Variants in LYSMD3 observed in about 807,000 individuals in gnomAD.
LYSMD3 encodes lysM and putative peptidoglycan-binding domain-containing protein 3.
LYSMD3 carries 13 observed loss-of-function variants against 26.1 expected under a neutral mutation model. The observed-to-expected ratio is 0.50, with a 90% CI of 0.32 to 0.79. The LOEUF (loss-of-function observed/expected upper bound fraction) is 0.79, where lower values mean the gene tolerates loss of function less well. LYSMD3 is among the 30% of genes least tolerant of loss of function. LYSMD3 has a pLI of 0.03. For synonymous variants in LYSMD3, 109 were observed against 119.4 expected (o/e 0.91, Z 0.57); for missense variants, 331 against 362.5 (o/e 0.91, Z 0.71).
intron 2 of LYSMD3, among the ~76,000 whole-genome samples, chr5:90,520,208 C>A (rs1753054397): frequency 6.6e-6 from 1 of 152,094 alleles, no homozygotes; most frequent in Non-Finnish European, 1.5e-5. Flanking sequence ...TGTATTATCC[C>A]ATCCACTGTG....
intron 2 of LYSMD3, among the ~76,000 whole-genome samples, 200 bp downstream of exon 2, chr5:90,524,834 CA>C (rs1226878433): frequency 2.0e-5 from 3 of 152,152 alleles, no homozygotes; most frequent in African/African-American, 4.8e-5. Context: ...CCTCGTGATC[CA>C]CCCGCCTCGG....
At chr5:90,524,260 C>T (rs1404557335) in intron 2 of LYSMD3, among the ~76,000 whole-genome samples, 1 of 152,086 alleles carries the variant, frequency 6.6e-6, no homozygotes, top group African/African-American at 2.4e-5. Context: ...ATGAAAAATG[C>T]AAGTTGCAGA....
chr5:90,527,855 C>G (rs1193123655), intron 1 of LYSMD3, among the ~76,000 whole-genome samples: 1 of 152,178 alleles, frequency 6.6e-6, no homozygotes, highest in African/African-American at 2.4e-5. Context: ...CCTTGAAAAG[C>G]ACTTTCTGAC....
At chr5:90,519,862 G>C (rs972074600) in intron 2 of LYSMD3, among the ~76,000 whole-genome samples, 1 of 151,342 alleles carries the variant, frequency 6.6e-6, no homozygotes, top group Non-Finnish European at 1.5e-5. Flanking sequence ...TTCCAGTTTG[G>C]AAACTGGAAT....
intron 2 of LYSMD3, among the ~76,000 whole-genome samples, chr5:90,520,198 T>G (rs1421021742): frequency 6.6e-6 from 1 of 152,336 alleles, no homozygotes; most frequent in East Asian, 1.9e-4. Context: ...TCAACCTGTT[T>G]GTATTATCCC....
chr5:90,523,480 C>T (rs1002525837), intron 2 of LYSMD3, among the ~76,000 whole-genome samples: 1 of 151,282 alleles, frequency 6.6e-6, no homozygotes, highest in African/African-American at 2.4e-5. Context: ...TACAGGTAAT[C>T]AATAAAAGGT....
intron 2 of LYSMD3, chr5:90,520,287 T>C (rs1428499861): frequency 2.4e-6 from 1 of 413,006 alleles, no homozygotes; most frequent in Non-Finnish European, 4.9e-6. Flanking sequence ...AGATTACCAA[T>C]TGGTATGCCA....
At chr5:90,519,833 T>C (rs1172445853) in intron 2 of LYSMD3, among the ~76,000 whole-genome samples, 1 of 152,018 alleles carries the variant, frequency 6.6e-6, no homozygotes, top group Non-Finnish European at 1.5e-5. Context: ...GGAAGGATTA[T>C]GGGTAGTTAT....
intron 1 of LYSMD3, among the ~76,000 whole-genome samples, chr5:90,525,773 A>G (rs1753209057): frequency 1.3e-5 from 2 of 152,206 alleles, no homozygotes; most frequent in African/African-American, 4.8e-5. Flanking sequence ...TACAACTGTT[A>G]AAGTAGAACA....
At chr5:90,529,182 G>T (rs141348465) in intron 1 of LYSMD3, among the ~76,000 whole-genome samples, 17 of 152,312 alleles carry the variant, frequency 1.1e-4, no homozygotes, top group Admixed American at 2.6e-4. Flanking sequence ...CTGTGTTTGG[G>T]TGGGAAATTA....
rs563296030 is a variant in LYSMD3, at chr5:90,515,752, T to G, written c.*3067A>C. 6.6e-6 allele frequency: 1 copy of G among 152,316 alleles called. No homozygotes were observed. The highest frequency in any genetic ancestry group is 6.5e-5 in the Admixed American group (1 of 15,304). The allele number at this position is 152,316 out of a possible 1,614,324, so 9.4% of individuals were successfully genotyped here. ...TGCTAACAATGTTCTACAGTTACAT[T>G]TGTATAAAATACATTATACAAAAGA... On this transcript the variant is annotated 3_prime_UTR_variant, in exon 3 of 3. Transcript: ENST00000315948.
intron 2 of LYSMD3, 113 bp downstream of exon 2, chr5:90,524,922 A>T (rs1278114433): frequency 9.4e-7 from 1 of 1,060,750 alleles, no homozygotes; most frequent in Non-Finnish European, 1.3e-6. Flanking sequence ...GCAAAAAATA[A>T]GAGCAAAAAA....
chr5:90,520,248 T>C (rs1269348093), intron 2 of LYSMD3: 3 of 385,440 alleles, frequency 7.8e-6, no homozygotes, highest in South Asian at 3.8e-5. Flanking sequence ...CCTATTCCAC[T>C]GTGTTGGGGG....
In LYSMD3 at chr5:90,519,420, A is replaced by G. The variant is rs1753034036; in HGVS notation, c.320T>C (p.Ile107Thr). Residue 107 changes from isoleucine (I) to threonine (T), a missense_variant, in exon 3 of 3, where the codon ATC (isoleucine) becomes ACC (threonine). Coordinates refer to ENST00000315948, the MANE Select transcript of LYSMD3 (RefSeq NM_198273.2). Reference sequence around the variant, plus strand: ...ACTGAACTTTTTTACTGGAATTTTGATAGACCTAAGGGCAAAAAAGTCTTG... The same window carrying G: ...ACTGAACTTTTTTACTGGAATTTTGGTAGACCTAAGGGCAAAAAAGTCTTG... ...SDQDFFALRS[I>T]KIPVKKFSSL... The G allele has an allele frequency of 6.2e-7, 1 of 1,613,944 alleles. No homozygotes were observed.
chr5:90,518,358 G>A lies in LYSMD3; in HGVS notation c.*461C>T, dbSNP rs1178780985. ...TATTTTTTAAAAGTTTTGAAGGGGT[G>A]TGTTACGTATCCTACCATGAATAAT... is the stretch of plus-strand genomic sequence containing the variant. On this transcript the variant is annotated 3_prime_UTR_variant, in exon 3 of 3. Coordinates refer to ENST00000315948, the MANE Select transcript of LYSMD3 (RefSeq NM_198273.2). 6.5e-6 allele frequency: 1 copy of A among 153,768 alleles called. No individual in the cohort carries two copies. Among genetic ancestry groups the A allele is most frequent in the African/African-American group, 2.4e-5 (1 of 41,444 alleles). 9.5% of individuals were successfully genotyped at this position (153,768 alleles called of 1,614,324 possible).
chr5:90,516,545 CTT>C lies in LYSMD3; in HGVS notation c.*2272_*2273del, dbSNP rs1002583386. Reference sequence around the variant, plus strand: ...CAAGGTAATTTGCATTTGATATAAACTTAACTTACATTAGTACTTTTTAGAAA... The same window carrying C: ...CAAGGTAATTTGCATTTGATATAAACAACTTACATTAGTACTTTTTAGAAA... On this transcript the variant is annotated 3_prime_UTR_variant, in exon 3 of 3. Coordinates refer to ENST00000315948, the MANE Select transcript of LYSMD3 (RefSeq NM_198273.2). 4 of 152,020 alleles carry C rather than the reference CTT, an allele frequency of 2.6e-5. No individual in the cohort carries two copies. The highest frequency in any genetic ancestry group is 2.1e-4 in the South Asian group (1 of 4,834). 9.4% of individuals were successfully genotyped at this position (152,020 alleles called of 1,614,324 possible). A position where few individuals can be genotyped will look rare whatever the true frequency, so the allele number is the denominator to read the frequency against.
At position 90,519,111 on chromosome 5, in the gene LYSMD3, T is replaced by C. The variant is rs746072885; in HGVS notation, c.629A>G (p.Tyr210Cys). ...CCACCCTATTCCCCAGTCTGCTCCA[T>C]AATAGGGGTCTTTACGTTGAGTGTT... ...NKNTQRKDPY[Y>C]GADWGIGWWT... The change falls in exon 3 of 3, where the codon TAT (tyrosine) becomes TGT (cysteine). Residue 210 changes from tyrosine to cysteine, a missense_variant. By Grantham distance (194) the Tyr-to-Cys change is radical. Coordinates refer to ENST00000315948, the MANE Select transcript of LYSMD3 (RefSeq NM_198273.2). 3.7e-6 allele frequency: 6 copies of C among 1,614,030 alleles called. No individual in the cohort carries two copies. The highest frequency in any genetic ancestry group is 5.1e-6 in the Non-Finnish European group (6 of 1,180,006).
Position 90,525,434 on chromosome 5 carries a change from AAGTT to A in LYSMD3, c.-11-138_-11-135del. The A allele has an allele frequency of 4.2e-6, 4 of 954,668 alleles. No homozygotes were observed. In the African/African-American group the frequency reaches 6.7e-5, roughly 16 times the overall value. The allele number at this position is 954,668 out of a possible 1,614,324, so 59.1% of individuals were successfully genotyped here. On this transcript the variant is annotated intron_variant, in intron 1 of 2. Coordinates refer to ENST00000315948, the MANE Select transcript of LYSMD3 (RefSeq NM_198273.2). Reference sequence around the variant, plus strand: ...TTTAGTTATTTAAACATTTAGGTTTAAGTTCGTTTTTTTGTTTTGTTTTGTTTTG... The same window carrying A: ...TTTAGTTATTTAAACATTTAGGTTTACGTTTTTTTGTTTTGTTTTGTTTTG...
Position 90,520,299 on chromosome 5 carries a change from G to A in LYSMD3, c.256-815C>T, listed in dbSNP as rs139211225. The A allele has an allele frequency of 7.4e-3, 3,134 of 422,708 alleles. 24 individuals carry two copies. The highest frequency in any genetic ancestry group is 9.7e-3 in the Non-Finnish European group (2,031 of 208,698). The allele number at this position is 422,708 out of a possible 1,614,324, so 26.2% of individuals were successfully genotyped here. A position where few individuals can be genotyped will look rare whatever the true frequency, so the allele number is the denominator to read the frequency against. On this transcript the variant is annotated intron_variant, in intron 2 of 2. Transcript: ENST00000315948. ...GGCAGATTACCAATTGGTATGCCAG[G>A]CTCTCCCACCATCTATTAGTCCCAT... is the stretch of plus-strand genomic sequence containing the variant.
Sources: allele counts gnomAD v4.1 joint callset (sites outside exome capture counted in the v4.1 genomes callset), GRCh38; gene constraint gnomAD v4.1.1; transcripts MANE v1.5; gene names NCBI Gene and HGNC (gene_info 2026-07-23, HGNC 2026-07-21).